RTEL1: variants seen among roughly 807,000 people sequenced by gnomAD.
RTEL1 encodes the protein regulator of telomere elongation helicase 1.
In RTEL1, 86 loss-of-function variants were observed where a neutral mutation model predicts 162.2. That is an observed-to-expected ratio of 0.53 (90% CI 0.45 to 0.63). The LOEUF is 0.63. RTEL1 is among the 30% of genes least tolerant of loss of function. The pLI, the probability that RTEL1 is intolerant of heterozygous loss-of-function variation, is 0.00. For synonymous variants in RTEL1, 958 were observed against 717.9 expected, an observed-to-expected ratio of 1.33 and a Z score of -5.35; for missense variants, 1,941 against 1,750.2, an observed-to-expected ratio of 1.11 and a Z score of -1.95.
At position 63,682,077 on chromosome 20, in the gene RTEL1, T is replaced by A; in HGVS notation, c.1191+1358T>A. On this transcript the variant is annotated intron_variant, in intron 14 of 34. Transcript: ENST00000360203. Reference sequence around the variant, plus strand: ...CAGCCCAGGGCCTGGAGGGCAGGTGTGAGCTGGCCCGGGCCTGTCCCTCCC... The same window carrying A: ...CAGCCCAGGGCCTGGAGGGCAGGTGAGAGCTGGCCCGGGCCTGTCCCTCCC... 8.1e-6 allele frequency: 8 copies of A among 985,424 alleles called. No individual in the cohort carries two copies. The South Asian group carries it at 2.8e-4, about 35-fold the overall frequency. The allele number at this position is 985,424 out of a possible 1,614,324, so 61.0% of individuals were successfully genotyped here.
In RTEL1 at chr20:63,690,182, C is replaced by T; in HGVS notation, c.2237C>T (p.Ala746Val). ...TTTGGCCATGTCATCCGAGACGTGG[C>T]CCAGTTCTTCCGTGTTGCCGAGCGA... ...DNFGHVIRDV[A>V]QFFRVAERTM... The change falls in exon 25 of 35, where the codon GCC (alanine) becomes GTC (valine). Residue 746 changes from alanine (A) to valine (V), a missense_variant. By Grantham distance (64) the Ala-to-Val change is moderately conservative. Coordinates refer to ENST00000360203, the MANE Select transcript of RTEL1 (RefSeq NM_001283009.2). The T allele has an allele frequency of 3.1e-6, 5 of 1,612,516 alleles. No individual in the cohort carries two copies. Among genetic ancestry groups the T allele is most frequent in the Non-Finnish European group, 4.2e-6 (5 of 1,179,800 alleles).
In RTEL1 at chr20:63,696,036, C is replaced by T; in HGVS notation, c.*178C>T. 4.7e-6 allele frequency: 3 copies of T among 635,170 alleles called. No individual in the cohort carries two copies. The highest frequency in any genetic ancestry group is 8.1e-6 in the Non-Finnish European group (3 of 372,490). The allele number at this position is 635,170 out of a possible 1,614,324, so 39.3% of individuals were successfully genotyped here. ...CCCTGCGGTGGGACCGGATCTGGGC[C>T]TGCCTCTGAGAAGCCCTGAGCTACC... On this transcript the variant is annotated 3_prime_UTR_variant, in exon 35 of 35. Transcript: ENST00000360203.
intron 2 of RTEL1, among the ~76,000 whole-genome samples, chr20:63,660,093 G>C (rs989249886): frequency 2.6e-5 from 4 of 152,144 alleles, no homozygotes. Context: ...AATATGTCTC[G>C]CCTCCTGCCA....
At chr20:63,663,359 C>A (rs1350337675) in intron 6 of RTEL1, among the ~76,000 whole-genome samples, 1 of 152,192 alleles carries the variant, frequency 6.6e-6, no homozygotes, top group African/African-American at 2.4e-5. Context: ...CCTGTGCTGA[C>A]CTTGCTGCGG....
intron 22 of RTEL1, 36 bp downstream of exon 22, chr20:63,689,168 GC>G: frequency 1.3e-6 from 2 of 1,590,938 alleles, no homozygotes; most frequent in Non-Finnish European, 1.7e-6. Context: ...TGACCTGGTT[GC>G]CTGTTCCCTG....
intron 30 of RTEL1, 156 bp from the exon 31 acceptor site, chr20:63,694,213 CTCT>C (rs2090905594): frequency 1.5e-6 from 1 of 660,942 alleles, no homozygotes; most frequent in African/African-American, 1.8e-5. Context: ...CTGGTGTCTC[CTCT>C]GATGCCCCCA....
chr20:63,680,847 A>G, intron 14 of RTEL1, 128 bp downstream of exon 14: 1 of 1,519,516 alleles, frequency 6.6e-7, no homozygotes, highest in Non-Finnish European at 8.9e-7. Context: ...CCTGTTTCTG[A>G]TTGGCAAACT....
chr20:63,658,690 A>T (rs1225839106), intron 1 of RTEL1: 19 of 152,456 alleles, frequency 1.2e-4, no homozygotes, highest in Admixed American at 1.2e-3. Flanking sequence ...AAGGGCCGAC[A>T]TTCAGTGTGT....
chr20:63,673,952 G>A lies in RTEL1; in HGVS notation c.778G>A (p.Glu260Lys), dbSNP rs1474772929. Residue 260 changes from glutamate (E) to lysine (K), a missense_variant, in exon 10 of 35, where the codon GAA becomes AAA. Glu to Lys is a moderately conservative substitution (Grantham distance 56). Coordinates refer to ENST00000360203, the MANE Select transcript of RTEL1 (RefSeq NM_001283009.2). The part of the protein sequence containing the change: ...DEAHNVEKMC[E>K]ESASFDLTPH... ...GCTTGGGCTCTAGGAGAAGATGTGTGAAGAATCGGCATCCTTTGACCTGAC... is the reference window on the plus strand; with the variant it reads ...GCTTGGGCTCTAGGAGAAGATGTGTAAAGAATCGGCATCCTTTGACCTGAC... 1 of 1,612,212 alleles carries A rather than the reference G, an allele frequency of 6.2e-7. No homozygotes were observed. The highest frequency in any genetic ancestry group is 8.5e-7 in the Non-Finnish European group (1 of 1,178,728).
chr20:63,674,643 G>A (rs1353154738), intron 10 of RTEL1, among the ~76,000 whole-genome samples: 1 of 151,670 alleles, frequency 6.6e-6, no homozygotes, highest in African/African-American at 2.4e-5. Context: ...AGAGCTTCCG[G>A]TGCCCCAGAT....
At chr20:63,682,796 G>T in intron 14 of RTEL1, 1 of 678,088 alleles carries the variant, frequency 1.5e-6, no homozygotes, top group Non-Finnish European at 1.8e-6. Flanking sequence ...CGAACTCCAG[G>T]CAGGGTCAGG....
chr20:63,665,081 TG>T, intron 6 of RTEL1: 1 of 155,678 alleles, frequency 6.4e-6, no homozygotes, highest in Non-Finnish European at 1.4e-5. Flanking sequence ...TGGGAGTATC[TG>T]GGGTTGGGTC....
chr20:63,684,867 C>T (rs772656184), intron 14 of RTEL1, among the ~76,000 whole-genome samples: 2 of 151,916 alleles, frequency 1.3e-5, no homozygotes, highest in African/African-American at 2.4e-5. Context: ...GTGATTTTGA[C>T]TAGAATGTGT....
rs2145477908 is a variant in RTEL1 at position 63,695,163 on chromosome 20, A to T, written c.3441A>T (p.Gly1147=). The stretch of plus-strand genomic sequence containing the variant: ...CCTACCCGGGCATGGAGCCACCGGG[A>T]CCCCAGGAGGAGAGGCTTGCCGTGC... ...GRPYPGMEPP[G]PQEERLAVPP... is the part of the protein sequence containing the mutation. Residue 1147 remains glycine (G), a synonymous_variant, in exon 33 of 35, where the codon GGA becomes GGT. Transcript: ENST00000360203. The T allele has an allele frequency of 6.2e-7, 1 of 1,612,272 alleles. No homozygotes were observed. Among genetic ancestry groups the T allele is most frequent in the Non-Finnish European group, 8.5e-7 (1 of 1,179,800 alleles).
intron 9 of RTEL1, 75 bp downstream of exon 9, chr20:63,672,696 G>C: frequency 7.7e-7 from 1 of 1,302,222 alleles, no homozygotes; most frequent in Non-Finnish European, 1.1e-6. Flanking sequence ...AAACCTTTCT[G>C]GAGGGGCTCT....
chr20:63,680,981 C>T (rs1045900206), intron 14 of RTEL1: 18 of 985,202 alleles, frequency 1.8e-5, no homozygotes, highest in Admixed American at 6.2e-5. Flanking sequence ...CAGTGGGGGC[C>T]GGGGAGCCGC....
chr20:63,693,522 A>ACCTCCACCACCTCCACCT, intron 30 of RTEL1, among the ~76,000 whole-genome samples: 1 of 8,808 alleles, frequency 1.1e-4, no homozygotes, highest in Middle Eastern at 0.056. Context: ...CTCCACCACC[A>ACCTCCACCACCTCCACCT]CCACCTCCAC....
In RTEL1 at chr20:63,668,300, A is replaced by C. The variant is rs1027800986; in HGVS notation, c.699+747A>C. On this transcript the variant is annotated intron_variant, in intron 8 of 34. Transcript: ENST00000360203. This position sits in a 1 kb window ranked among gnomAD's most constrained non-coding sequence, Gnocchi z 4.3. ...GTGACGATGGCGTGGTGACGTTTCCAGATCCCGTCGTTGGTTCGCTCATTC... is the reference window on the plus strand; with the variant it reads ...GTGACGATGGCGTGGTGACGTTTCCCGATCCCGTCGTTGGTTCGCTCATTC... Among the ~76,000 whole-genome samples, 2 of 152,156 alleles carry C rather than the reference A, an allele frequency of 1.3e-5. No homozygotes were observed. Among genetic ancestry groups the C allele is most frequent in the African/African-American group, 4.8e-5 (2 of 41,414 alleles).
chr20:63,680,439 G>A (rs2090455979), intron 13 of RTEL1, among the ~76,000 whole-genome samples: 1 of 152,208 alleles, frequency 6.6e-6, no homozygotes, highest in South Asian at 2.1e-4. Context: ...AAGTCCCACT[G>A]ACCCCCTTGG....
Sources: allele counts gnomAD v4.1 joint callset (sites outside exome capture counted in the v4.1 genomes callset), GRCh38; gene constraint gnomAD v4.1.1; non-coding constraint Gnocchi (gnomAD v3.1); transcripts MANE v1.5; gene names NCBI Gene and HGNC (gene_info 2026-07-23, HGNC 2026-07-21).